Variants in EXOSC1 observed in about 807,000 individuals in gnomAD.
EXOSC1 encodes exosome complex component CSL4.
In EXOSC1, 27 loss-of-function variants were observed where a neutral mutation model predicts 31.4. The ratio of observed to expected loss-of-function variants is 0.86; its 90% CI spans 0.63 to 1.18. EXOSC1 has a LOEUF of 1.18. Among genes scored for constraint, EXOSC1 ranks in the 50% most tolerant of loss-of-function variants. The probability of loss-of-function intolerance (pLI) is 0.00; values close to 1 mark genes in which losing one functional copy is unlikely to be tolerated. For synonymous variants in EXOSC1, 84 were observed against 89.5 expected (o/e 0.94, Z 0.35); for missense variants, 228 against 250.3 (o/e 0.91, Z 0.60).
chr10:97,437,317 G>A, intron 6 of EXOSC1, 42 bp from the exon 7 acceptor site: 2 of 1,498,042 alleles, frequency 1.3e-6, no homozygotes, highest in South Asian at 2.3e-5. Flanking sequence ...GGAGTTAGAA[G>A]TCTTCCCCCA....
Position 97,445,991 on chromosome 10 carries a change from C to T in EXOSC1, c.-6G>A. ...TATCTCACAGGTGGCGCCATGATTG[C>T]CGCTGTCCCAAAACCAGGATGAAAA... On this transcript the variant is annotated 5_prime_UTR_variant, in exon 1 of 8. Transcript: ENST00000370902. 1.2e-6 allele frequency: 2 copies of T among 1,614,254 alleles called. No individual in the cohort carries two copies. The highest frequency in any genetic ancestry group is 8.5e-7 in the Non-Finnish European group (1 of 1,180,052).
chr10:97,441,726 G>A (rs984297065), intron 3 of EXOSC1, among the ~76,000 whole-genome samples: 22 of 150,328 alleles, frequency 1.5e-4, no homozygotes, highest in Admixed American at 2.6e-4. Context: ...CTGATCTCAG[G>A]TGATTCGCCT....
At chr10:97,437,844 T>A in intron 5 of EXOSC1, 94 bp from the exon 6 acceptor site, 2 of 991,102 alleles carry the variant, frequency 2.0e-6, no homozygotes, top group South Asian at 2.6e-5. Flanking sequence ...TACTTTCTAA[T>A]CCTGGAGGGT....
Position 97,436,364 on chromosome 10 carries a change from G to A in EXOSC1, c.*81C>T. The stretch of plus-strand genomic sequence containing the variant: ...TGGAAGTGGCTGTTGGCCGACGCCA[G>A]GTGTTTGAATAAAGACAGCAGCATC... On this transcript the variant is annotated 3_prime_UTR_variant, in exon 8 of 8. Coordinates refer to ENST00000370902, the MANE Select transcript of EXOSC1 (RefSeq NM_016046.5). 1.9e-6 allele frequency: 2 copies of A among 1,055,232 alleles called. No individual in the cohort carries two copies. Among genetic ancestry groups the A allele is most frequent in the Non-Finnish European group, 2.9e-6 (2 of 692,542 alleles). 65.4% of individuals were successfully genotyped at this position (1,055,232 alleles called of 1,614,324 possible).
chr10:97,436,671 G>A, intron 7 of EXOSC1, 120 bp from the exon 8 acceptor site: 1 of 857,700 alleles, frequency 1.2e-6, no homozygotes, highest in Non-Finnish European at 1.7e-6. Context: ...AACTCATAAA[G>A]AAAAAACTTT....
intron 7 of EXOSC1, 70 bp downstream of exon 7, chr10:97,437,121 G>C: frequency 7.3e-7 from 1 of 1,364,158 alleles, no homozygotes; most frequent in Non-Finnish European, 1.0e-6. Context: ...GGGAAACCAG[G>C]AAAAACAATG....
intron 4 of EXOSC1, among the ~76,000 whole-genome samples, chr10:97,439,054 T>C (rs1292778652): frequency 6.6e-6 from 1 of 152,102 alleles, no homozygotes; most frequent in Admixed American, 6.6e-5. Context: ...GCCCAGCCTG[T>C]GAGAAAGAAT....
chr10:97,437,152 T>C, intron 7 of EXOSC1, 39 bp downstream of exon 7: 1 of 1,554,642 alleles, frequency 6.4e-7, no homozygotes, highest in Non-Finnish European at 8.9e-7. Flanking sequence ...AAACCATAGA[T>C]CCAGGGAAAG....
At chr10:97,445,664 C>T in intron 2 of EXOSC1, 68 bp downstream of exon 2, 2 of 1,485,308 alleles carry the variant, frequency 1.3e-6, no homozygotes, top group Non-Finnish European at 1.9e-6. Context: ...GTGCCCATGC[C>T]TAAGGACTGG....
chr10:97,439,184 G>A (rs1845639085), intron 4 of EXOSC1, among the ~76,000 whole-genome samples: 1 of 152,196 alleles, frequency 6.6e-6, no homozygotes, highest in Non-Finnish European at 1.5e-5. Context: ...ACATGGAGAG[G>A]CAGTATCAAT....
At chr10:97,443,454 C>A in intron 2 of EXOSC1, 143 bp from the exon 3 acceptor site, 1 of 695,518 alleles carries the variant, frequency 1.4e-6, no homozygotes, top group Non-Finnish European at 2.4e-6. Flanking sequence ...AGCAGAAGGC[C>A]TTAGAAATTT....
In EXOSC1 at chr10:97,445,969, C is replaced by G. The variant is rs201917519; in HGVS notation, c.17G>C (p.Arg6Thr). Residue 6 changes from arginine to threonine, a missense_variant, in exon 1 of 8, where the codon AGA (arginine) becomes ACA (threonine). Transcript: ENST00000370902. Reference protein sequence around the residue: MAPPVRYCIPGERLCN... With the variant: MAPPVTYCIPGERLCN... The stretch of plus-strand genomic sequence containing the variant: ...CGCTCACTTACCGGGGATGCAGTAT[C>G]TCACAGGTGGCGCCATGATTGCCGC... 1 of 1,614,248 alleles carries G rather than the reference C, an allele frequency of 6.2e-7. No individual in the cohort carries two copies. The highest frequency in any genetic ancestry group is 2.2e-5 in the East Asian group (1 of 44,886).
intron 4 of EXOSC1, chr10:97,440,958 T>A (rs1845695372): frequency 2.5e-6 from 1 of 407,000 alleles, no homozygotes; most frequent in Admixed American, 4.2e-5. Flanking sequence ...AGCCTTTGCT[T>A]TACTTTTAAA....
At chr10:97,444,229 G>T (rs1347959782) in intron 2 of EXOSC1, 1 of 152,230 alleles carries the variant, frequency 6.6e-6, no homozygotes, top group Non-Finnish European at 1.5e-5. Context: ...AATACTTGCA[G>T]AGTTTTCTCT....
intron 1 of EXOSC1, 31 bp downstream of exon 1, chr10:97,445,924 C>T: frequency 2.5e-6 from 4 of 1,613,982 alleles, no homozygotes; most frequent in Non-Finnish European, 2.5e-6. Context: ...CAGCCCCTAT[C>T]CAGGACTCTG....
At chr10:97,444,289 C>G (rs1452697450) in intron 2 of EXOSC1, 1 of 152,198 alleles carries the variant, frequency 6.6e-6, no homozygotes, top group Non-Finnish European at 1.5e-5. Flanking sequence ...TGAGCCTCAT[C>G]TTTTATCAAT....
At chr10:97,441,843 T>A (rs2133153079) in intron 3 of EXOSC1, among the ~76,000 whole-genome samples, 2 of 132,886 alleles carry the variant, frequency 1.5e-5, no homozygotes, top group African/African-American at 5.7e-5. Flanking sequence ...CAGAGAGGTA[T>A]AGACTTTTTA....
rs918438229 is a variant in EXOSC1, at chr10:97,444,586, C to T, written c.147+1146G>A. Reference sequence around the variant, plus strand: ...GCTCATTTGAGCATTTATTTGTTTACAATTTGTGTCTGTGTCCTTTGATAG... The same window carrying T: ...GCTCATTTGAGCATTTATTTGTTTATAATTTGTGTCTGTGTCCTTTGATAG... On this transcript the variant is annotated intron_variant, in intron 2 of 7. Coordinates refer to ENST00000370902, the MANE Select transcript of EXOSC1 (RefSeq NM_016046.5). 3.5e-4 allele frequency: 53 copies of T among 152,238 alleles called. 1 individual carries two copies. Among genetic ancestry groups the T allele is most frequent in the African/African-American group, 1.2e-3 (50 of 41,462 alleles). 9.4% of individuals were successfully genotyped at this position (152,238 alleles called of 1,614,324 possible).
At chr10:97,437,412 G>A (rs752740510) in intron 6 of EXOSC1, 137 bp from the exon 7 acceptor site, 14 of 679,462 alleles carry the variant, frequency 2.1e-5, no homozygotes, top group Non-Finnish European at 2.8e-5. Context: ...GTGCGGTGGC[G>A]TGATATCAGT....
Sources: gnomAD v4.1 joint callset for allele counts (sites outside exome capture counted in the v4.1 genomes callset) on GRCh38, gnomAD v4.1.1 for gene constraint, MANE v1.5 for transcripts, NCBI Gene and HGNC (gene_info 2026-07-23, HGNC 2026-07-21) for gene names.